PDE1A: variants seen among roughly 807,000 people sequenced by gnomAD.
The protein encoded by PDE1A is dual specificity calcium/calmodulin-dependent 3',5'-cyclic nucleotide phosphodiesterase 1A.
PDE1A carries 35 observed loss-of-function variants against 61.7 expected under a neutral mutation model. The ratio of observed to expected loss-of-function variants is 0.57; its 90% CI spans 0.43 to 0.75. The LOEUF (loss-of-function observed/expected upper bound fraction) is 0.75, where lower values mean the gene tolerates loss of function less well. PDE1A is among the 30% of genes least tolerant of loss of function. The pLI, the probability that PDE1A is intolerant of heterozygous loss-of-function variation, is 0.00. For missense variants in PDE1A, 597 were observed against 630.6 expected (o/e 0.95, Z 0.57); for synonymous variants, 232 against 213.2 (o/e 1.09, Z -0.77).
intron 2 of PDE1A, among the ~76,000 whole-genome samples, chr2:182,511,418 A>G (rs1467760602): frequency 6.6e-6 from 1 of 152,110 alleles, no homozygotes; most frequent in Admixed American, 6.5e-5. Flanking sequence ...CAGGGTGAGT[A>G]AAATAGGTGG....
chr2:182,498,428 A>AT (rs1049591147), intron 2 of PDE1A, among the ~76,000 whole-genome samples: 1 of 152,120 alleles, frequency 6.6e-6, no homozygotes, highest in Non-Finnish European at 1.5e-5. Flanking sequence ...AAAGTTTTGT[A>AT]TTTTTTTAAA....
chr2:182,192,526 A>G (rs1685786821), intron 10 of PDE1A, among the ~76,000 whole-genome samples: 1 of 152,080 alleles, frequency 6.6e-6, no homozygotes, highest in African/African-American at 2.4e-5. Flanking sequence ...CCACCTTTAT[A>G]ATTTCCTCAT....
chr2:182,159,064 CA>C (rs1316771154), intron 13 of PDE1A, among the ~76,000 whole-genome samples: 1 of 152,138 alleles, frequency 6.6e-6, no homozygotes, highest in African/African-American at 2.4e-5. Flanking sequence ...GGGCTGTATA[CA>C]GTCTAAATCT....
the PDE1A span, among the ~76,000 whole-genome samples, chr2:182,561,547 T>C: frequency 6.6e-6 from 1 of 152,196 alleles, no homozygotes; most frequent in Non-Finnish European, 1.5e-5. Context: ...GGGCTCTTTT[T>C]TGGTTCCATA....
intron 2 of PDE1A, among the ~76,000 whole-genome samples, chr2:182,241,114 G>A (rs1386902186): frequency 2.0e-5 from 3 of 152,130 alleles, no homozygotes; most frequent in South Asian, 2.1e-4. Flanking sequence ...CCATTAAAGA[G>A]GAAACTAAGG....
chr2:182,356,166 G>A (rs1453087077), intron 1 of PDE1A, among the ~76,000 whole-genome samples: 1 of 152,090 alleles, frequency 6.6e-6, no homozygotes, highest in Non-Finnish European at 1.5e-5. Flanking sequence ...GACTTAAAGT[G>A]GTGTGCAGTG....
At chr2:182,578,872 G>C in the PDE1A span, among the ~76,000 whole-genome samples, 1 of 152,148 alleles carries the variant, frequency 6.6e-6, no homozygotes, top group Admixed American at 6.5e-5. Context: ...ATCTCACATG[G>C]TGACCTTGTT....
chr2:182,648,536 T>TAAAAAAAAAAAAAA, the PDE1A span, among the ~76,000 whole-genome samples: 29 of 92,202 alleles, frequency 3.1e-4, no homozygotes, highest in African/African-American at 4.7e-4. Flanking sequence ...AAAAAAAAAT[T>TAAAAAAAAAAAAAA]AAAAAAATTA....
chr2:182,515,954 CTGTGTGTGTGTGTGTGTGTGTGTGTGTG>C (rs201729102), intron 2 of PDE1A, among the ~76,000 whole-genome samples: 1 of 130,432 alleles, frequency 7.7e-6, no homozygotes. Flanking sequence ...GTGTGTGTTT[CTGTGTGTGTGTGTGTGTGTGTGTGTGTG>C]TGTGTGTGTG....
intron 2 of PDE1A, among the ~76,000 whole-genome samples, chr2:182,512,312 T>A (rs978453905): frequency 1.3e-5 from 2 of 152,124 alleles, no homozygotes; most frequent in East Asian, 3.9e-4. Flanking sequence ...GCCCCAGTAT[T>A]AGAGCATGCA....
chr2:182,324,586 A>C (rs374276541), intron 1 of PDE1A, among the ~76,000 whole-genome samples: 114 of 152,240 alleles, frequency 7.5e-4, no homozygotes, highest in African/African-American at 2.7e-3. Context: ...TAGAGGTCAA[A>C]TCTGTTATGT....
At chr2:182,668,777 T>C in the PDE1A span, among the ~76,000 whole-genome samples, 55 of 152,300 alleles carry the variant, frequency 3.6e-4, no homozygotes, top group East Asian at 0.01. Flanking sequence ...CACCATTTCC[T>C]GGCTCCCCAC....
At chr2:182,352,323 G>A (rs1365717469) in intron 1 of PDE1A, among the ~76,000 whole-genome samples, 2 of 152,174 alleles carry the variant, frequency 1.3e-5, no homozygotes. Context: ...AGGACAAGAA[G>A]AATCCATGCA....
At chr2:182,177,767 C>T (rs948638756) in intron 13 of PDE1A, among the ~76,000 whole-genome samples, 1 of 151,960 alleles carries the variant, frequency 6.6e-6, no homozygotes, top group Non-Finnish European at 1.5e-5. Flanking sequence ...GCTCAGTTTC[C>T]TCCTGAAATA....
intron 1 of PDE1A, among the ~76,000 whole-genome samples, chr2:182,315,876 G>C (rs935154056): frequency 6.6e-6 from 1 of 152,152 alleles, no homozygotes; most frequent in African/African-American, 2.4e-5. Flanking sequence ...GCAGTGTTAA[G>C]AGCACCAAGA....
At chr2:182,429,331 TAATTA>T (rs1244955522), upstream of PDE1A, among the ~76,000 whole-genome samples, 14 of 152,288 alleles carry the variant, frequency 9.2e-5, no homozygotes, top group African/African-American at 3.4e-4. Flanking sequence ...TCATGATTAT[TAATTA>T]AATTACTAAA....
chr2:182,681,898 G>A, the PDE1A span, among the ~76,000 whole-genome samples: 3 of 150,014 alleles, frequency 2.0e-5, no homozygotes, highest in South Asian at 4.2e-4. Context: ...CGCTCACCTC[G>A]GCCTCCCAAA....
chr2:182,436,087 T>C (rs971796406), intron 2 of PDE1A, among the ~76,000 whole-genome samples: 1 of 152,010 alleles, frequency 6.6e-6, no homozygotes, highest in Non-Finnish European at 1.5e-5. Flanking sequence ...TCCAAATGTA[T>C]AGAAATAGGT....
At chr2:182,683,049 G>A in the PDE1A span, among the ~76,000 whole-genome samples, 2 of 151,620 alleles carry the variant, frequency 1.3e-5, no homozygotes, top group Admixed American at 6.6e-5. Flanking sequence ...AATTGCATTG[G>A]AATATATGAA....
Sources: gnomAD v4.1 joint callset for allele counts (sites outside exome capture counted in the v4.1 genomes callset) on GRCh38, gnomAD v4.1.1 for gene constraint, MANE v1.5 for transcripts, NCBI Gene and HGNC (gene_info 2026-07-23, HGNC 2026-07-21) for gene names.